PRKG1: variants seen among roughly 807,000 people sequenced by gnomAD.
The protein encoded by PRKG1 is cGMP-dependent protein kinase 1.
A neutral mutation model predicts 88.1 loss-of-function variants in PRKG1; 35 were observed. That is an observed-to-expected ratio of 0.40 (90% confidence interval 0.30 to 0.53). The LOEUF (loss-of-function observed/expected upper bound fraction) is 0.53. Ranked by LOEUF, PRKG1 falls within the 20% of genes least tolerant of loss-of-function variation. The pLI is 0.59. For missense variants in PRKG1, 540 were observed against 839.8 expected, an observed-to-expected ratio of 0.64 and a Z score of 4.41; for synonymous variants, 303 against 292.5, an observed-to-expected ratio of 1.04 and a Z score of -0.37.
intron 1 of PRKG1, among the ~76,000 whole-genome samples, chr10:51,069,173 A>T (rs926433265): frequency 2.0e-5 from 3 of 152,034 alleles, no homozygotes; most frequent in Admixed American, 6.5e-5. Context: ...TGCTAAGTAC[A>T]TTAGCAATTA....
chr10:51,081,173 G>C (rs1844100914), intron 1 of PRKG1, among the ~76,000 whole-genome samples: 1 of 152,102 alleles, frequency 6.6e-6, no homozygotes, highest in Non-Finnish European at 1.5e-5. Flanking sequence ...AGCTTCTAGA[G>C]GCTGCCTATA....
At chr10:51,782,650 C>G (rs189880075) in intron 3 of PRKG1, among the ~76,000 whole-genome samples, 27 of 152,194 alleles carry the variant, frequency 1.8e-4, no homozygotes, top group Admixed American at 8.5e-4. Context: ...ATAACTGAAT[C>G]TGGGGGTGGT....
At chr10:51,871,961 A>G (rs754941378) in intron 4 of PRKG1, among the ~76,000 whole-genome samples, 1 of 152,178 alleles carries the variant, frequency 6.6e-6, no homozygotes, top group African/African-American at 2.4e-5. Context: ...AAAGGATAAA[A>G]GTTGTATTTG....
chr10:51,384,200 C>T (rs1024452981), intron 2 of PRKG1, among the ~76,000 whole-genome samples: 2 of 152,132 alleles, frequency 1.3e-5, no homozygotes, highest in Admixed American at 6.5e-5. Flanking sequence ...CAGAGCCCAA[C>T]TCAAAGAACA....
intron 1 of PRKG1, among the ~76,000 whole-genome samples, chr10:51,106,264 T>A (rs1844829683): frequency 6.6e-6 from 1 of 152,226 alleles, no homozygotes; most frequent in Admixed American, 6.5e-5. Context: ...AATACATGTT[T>A]CTGTGCCTGG....
chr10:51,776,654 G>A (rs371413298), intron 3 of PRKG1, among the ~76,000 whole-genome samples: 26 of 152,068 alleles, frequency 1.7e-4, no homozygotes, highest in East Asian at 1.4e-3. Context: ...GTGAAACCCC[G>A]TCACTACTAT....
At chr10:51,073,988 G>A (rs559479601), upstream of PRKG1, among the ~76,000 whole-genome samples, 1 of 152,216 alleles carries the variant, frequency 6.6e-6, no homozygotes, top group Non-Finnish European at 1.5e-5. Flanking sequence ...TGCCTCGTAC[G>A]TCGCTAGGAT....
chr10:51,694,097 C>G (rs1368420471), intron 3 of PRKG1, among the ~76,000 whole-genome samples: 1 of 152,114 alleles, frequency 6.6e-6, no homozygotes, highest in Non-Finnish European at 1.5e-5. Flanking sequence ...AAAAAGTAAG[C>G]TTCAACCAGG....
intron 2 of PRKG1, among the ~76,000 whole-genome samples, chr10:51,421,789 A>T (rs1386890401): frequency 6.6e-6 from 1 of 152,158 alleles, no homozygotes; most frequent in Non-Finnish European, 1.5e-5. Context: ...TATGTTGCCC[A>T]CTCATTCTAA....
At chr10:51,743,739 T>A (rs1260839515) in intron 3 of PRKG1, among the ~76,000 whole-genome samples, 2 of 96,934 alleles carry the variant, frequency 2.1e-5, no homozygotes, top group African/African-American at 1.1e-4. Flanking sequence ...ATAAACTAAA[T>A]ATATATATAT....
chr10:51,613,466 C>G (rs866266729), intron 3 of PRKG1, among the ~76,000 whole-genome samples: 1 of 151,718 alleles, frequency 6.6e-6, no homozygotes, highest in Non-Finnish European at 1.5e-5. Flanking sequence ...GAAGATCCAA[C>G]TTTTCATTTT....
chr10:52,150,980 A>C (rs925674159), intron 8 of PRKG1, among the ~76,000 whole-genome samples: 1 of 151,142 alleles, frequency 6.6e-6, no homozygotes, highest in African/African-American at 2.4e-5. Context: ...GTTTTTAATA[A>C]ATATGGCCTA....
intron 12 of PRKG1, among the ~76,000 whole-genome samples, chr10:52,276,946 C>T: frequency 6.6e-6 from 1 of 152,194 alleles, no homozygotes; most frequent in East Asian, 1.9e-4. Flanking sequence ...ATAGATTTAT[C>T]AAAGTTTGAG....
chr10:52,116,977 T>C (rs538690636), intron 7 of PRKG1, among the ~76,000 whole-genome samples: 2 of 152,118 alleles, frequency 1.3e-5, no homozygotes, highest in Non-Finnish European at 2.9e-5. Context: ...TATGTTCTAC[T>C]CTCTCATTGT....
intron 5 of PRKG1, among the ~76,000 whole-genome samples, chr10:51,999,415 TGCCAGC>T (rs1048577976): frequency 2.6e-5 from 4 of 152,232 alleles, no homozygotes; most frequent in African/African-American, 9.6e-5. Flanking sequence ...AAAGGAAACT[TGCCAGC>T]TTCGTAGGGA....
At chr10:52,164,360 G>GTAAATAAATAAATAAA (rs200650039) in intron 9 of PRKG1, among the ~76,000 whole-genome samples, 90 of 140,310 alleles carry the variant, frequency 6.4e-4, no homozygotes, top group South Asian at 3.6e-3. Context: ...TCAAAAATAA[G>GTAAATAAATAAATAAA]TAAGTAAATA....
chr10:51,443,063 A>G (rs1839168679), intron 2 of PRKG1, among the ~76,000 whole-genome samples: 1 of 145,988 alleles, frequency 6.8e-6, no homozygotes, highest in Admixed American at 6.7e-5. Flanking sequence ...TACCTCTTGA[A>G]GGGGACATTG....
intron 7 of PRKG1, among the ~76,000 whole-genome samples, chr10:52,067,243 T>A (rs1448459490): frequency 1.3e-5 from 2 of 152,240 alleles, no homozygotes; most frequent in Non-Finnish European, 2.9e-5. Flanking sequence ...GCATTCTCTG[T>A]ATGTACAGAA....
intron 3 of PRKG1, among the ~76,000 whole-genome samples, chr10:51,707,070 C>T (rs1841624157): frequency 6.6e-6 from 1 of 152,082 alleles, no homozygotes; most frequent in Non-Finnish European, 1.5e-5. Flanking sequence ...TCAAGTTGTA[C>T]AACCTTAACA....
Sources: allele counts gnomAD v4.1 joint callset (sites outside exome capture counted in the v4.1 genomes callset), GRCh38; gene constraint gnomAD v4.1.1; transcripts MANE v1.5; gene names NCBI Gene and HGNC (gene_info 2026-07-23, HGNC 2026-07-21).